ACMSD: variants seen among roughly 807,000 people sequenced by gnomAD.
ACMSD encodes 2-amino-3-carboxymuconate-6-semialdehyde decarboxylase.
In ACMSD, 37 loss-of-function variants were observed where a neutral mutation model predicts 45.9. The observed-to-expected ratio is 0.81, with a 90% CI of 0.62 to 1.06. The LOEUF (loss-of-function observed/expected upper bound fraction) is 1.06. Ranked by LOEUF, ACMSD falls within the 50% of genes least tolerant of loss-of-function variation. The pLI is 0.00. For missense variants in ACMSD, 434 were observed against 420.9 expected (o/e 1.03, Z -0.27); for synonymous variants, 138 against 148.8 (o/e 0.93, Z 0.53).
chr2:134,839,584 A>C (rs1188080279), intron 1 of ACMSD, among the ~76,000 whole-genome samples: 1 of 152,222 alleles, frequency 6.6e-6, no homozygotes, highest in Non-Finnish European at 1.5e-5. Flanking sequence ...AAAATGAATT[A>C]ACCCAAACTT....
intron 6 of ACMSD, among the ~76,000 whole-genome samples, chr2:134,870,310 C>G (rs1472606048): frequency 6.6e-6 from 1 of 152,124 alleles, no homozygotes; most frequent in Non-Finnish European, 1.5e-5. Context: ...ATCTCAGCTA[C>G]CAGAGGCAGC....
chr2:134,855,715 C>T (rs1687549902), intron 2 of ACMSD, among the ~76,000 whole-genome samples: 1 of 152,212 alleles, frequency 6.6e-6, no homozygotes. Flanking sequence ...TGTTCCCCAT[C>T]CCTGAGAAAT....
chr2:134,883,055 G>A (rs1393234975), intron 8 of ACMSD, among the ~76,000 whole-genome samples: 1 of 152,224 alleles, frequency 6.6e-6, no homozygotes, highest in Non-Finnish European at 1.5e-5. Context: ...GCCAGCACCT[G>A]TCCAGAAGGT....
At position 134,901,974 on chromosome 2, in the gene ACMSD, G is replaced by A. The variant is rs1404889804; in HGVS notation, c.*114G>A. The stretch of plus-strand genomic sequence containing the variant: ...TGAACTATTTTACTCAGAAATGAAT[G>A]TCCCAAATATCCTAAATTATTCATA... On this transcript the variant is annotated 3_prime_UTR_variant, in exon 10 of 10. Transcript: ENST00000356140. 5.0e-6 allele frequency: 3 copies of A among 595,434 alleles called. No individual in the cohort carries two copies. The highest frequency in any genetic ancestry group is 8.4e-6 in the Non-Finnish European group (3 of 357,998). 36.9% of individuals were successfully genotyped at this position (595,434 alleles called of 1,614,324 possible).
At chr2:134,887,610 C>T (rs2104938317) in intron 8 of ACMSD, among the ~76,000 whole-genome samples, 1 of 152,260 alleles carries the variant, frequency 6.6e-6, no homozygotes, top group Admixed American at 6.5e-5. Flanking sequence ...CACCATGTTG[C>T]CCAGGCTGGT....
At chr2:134,863,315 T>C (rs1244785046) in intron 4 of ACMSD, 80 bp from the exon 5 acceptor site, 22 of 1,311,666 alleles carry the variant, frequency 1.7e-5, no homozygotes, top group South Asian at 3.7e-5. Flanking sequence ...ATTATAGCCA[T>C]GAGGAGGCAC....
intron 8 of ACMSD, among the ~76,000 whole-genome samples, chr2:134,884,051 C>G (rs1284579360): frequency 6.6e-6 from 1 of 152,070 alleles, no homozygotes; most frequent in Non-Finnish European, 1.5e-5. Flanking sequence ...AAAGATTTAC[C>G]AGAAGTTTCA....
At chr2:134,884,538 A>C (rs1689216847) in intron 8 of ACMSD, among the ~76,000 whole-genome samples, 1 of 152,204 alleles carries the variant, frequency 6.6e-6, no homozygotes, top group Admixed American at 6.5e-5. Context: ...GTGTTTTGGA[A>C]TTGTAAACAG....
intron 1 of ACMSD, among the ~76,000 whole-genome samples, chr2:134,840,180 A>AAAAAAAC (rs1686725649): frequency 1.4e-5 from 2 of 140,146 alleles, no homozygotes; most frequent in South Asian, 2.7e-4. Flanking sequence ...AAAAAAAAAA[A>AAAAAAAC]AAAAAAAAAA....
intron 8 of ACMSD, among the ~76,000 whole-genome samples, chr2:134,880,494 T>C (rs1308024825): frequency 6.6e-6 from 1 of 152,242 alleles, no homozygotes; most frequent in Non-Finnish European, 1.5e-5. Flanking sequence ...CTTTGAACTT[T>C]CGTTTTACTT....
chr2:134,890,984 T>C (rs1689751188), intron 8 of ACMSD, among the ~76,000 whole-genome samples: 1 of 152,088 alleles, frequency 6.6e-6, no homozygotes, highest in Non-Finnish European at 1.5e-5. Flanking sequence ...GTTATTTGTG[T>C]GGTGTTTTTT....
intron 8 of ACMSD, among the ~76,000 whole-genome samples, chr2:134,885,351 TATATATTTAC>T (rs1559065080): frequency 9.2e-6 from 1 of 108,552 alleles, no homozygotes; most frequent in African/African-American, 3.8e-5. Context: ...TTATATATAA[TATATATTTAC>T]ATATATATTA....
intron 5 of ACMSD, among the ~76,000 whole-genome samples, chr2:134,866,907 G>C (rs1368708035): frequency 6.6e-6 from 1 of 152,164 alleles, no homozygotes; most frequent in Non-Finnish European, 1.5e-5. Context: ...TTCCATTTCT[G>C]AGGTCATCTC....
rs768697043 is a variant in ACMSD, at chr2:134,863,618, T to G, written c.473T>G (p.Phe158Cys). 6.2e-7 allele frequency: 1 copy of G among 1,614,144 alleles called. No individual in the cohort carries two copies. Among genetic ancestry groups the G allele is most frequent in the South Asian group, 1.1e-5 (1 of 91,084 alleles). Residue 158 changes from phenylalanine (F) to cysteine (C), a missense_variant, in exon 5 of 10, where the codon TTT becomes TGT. By Grantham distance (205) the Phe-to-Cys change is radical. Transcript: ENST00000356140. ...TGGGACCTGAACGCGCAGGAGCTCT[T>G]TCCTGTCTATGCGGTGAGTAGCGGG... ...NEWDLNAQEL[F>C]PVYAAAERLK...
chr2:134,856,660 CT>C (rs1448539747), intron 2 of ACMSD, among the ~76,000 whole-genome samples: 4 of 144,800 alleles, frequency 2.8e-5, no homozygotes, highest in Admixed American at 6.8e-5. Flanking sequence ...TCCTTTGCCC[CT>C]TTTTTCACCC....
intron 1 of ACMSD, among the ~76,000 whole-genome samples, chr2:134,841,006 T>C (rs1425483469): frequency 2.0e-5 from 3 of 152,188 alleles, no homozygotes; most frequent in African/African-American, 4.8e-5. Context: ...AGTGAGAACA[T>C]ATGATGTTTG....
Position 134,898,330 on chromosome 2 carries a change from T to C in ACMSD, c.850-11T>C. ...ACAAAACAACAGAGAAATATATATT[T>C]TGTTTTTTAGGATAAAGTCATTTTG... On this transcript the variant is annotated splice_polypyrimidine_tract_variant and intron_variant, in intron 8 of 9. Coordinates refer to ENST00000356140, the MANE Select transcript of ACMSD (RefSeq NM_138326.3). 6.4e-7 allele frequency: 1 copy of C among 1,553,054 alleles called. No individual in the cohort carries two copies. Among genetic ancestry groups the C allele is most frequent in the Non-Finnish European group, 8.7e-7 (1 of 1,149,680 alleles).
At chr2:134,839,185 A>G (rs1208638162) in intron 1 of ACMSD, among the ~76,000 whole-genome samples, 2 of 152,212 alleles carry the variant, frequency 1.3e-5, no homozygotes, top group Non-Finnish European at 1.5e-5. Context: ...TTTTAGAAGC[A>G]CCAAGAGATA....
chr2:134,887,884 T>G (rs1368963811), intron 8 of ACMSD, among the ~76,000 whole-genome samples: 1 of 152,110 alleles, frequency 6.6e-6, no homozygotes, highest in African/African-American at 2.4e-5. Context: ...AGCAAGATTA[T>G]ACAACTAAAC....
Sources: gnomAD v4.1 joint callset for allele counts (sites outside exome capture counted in the v4.1 genomes callset) on GRCh38, gnomAD v4.1.1 for gene constraint, MANE v1.5 for transcripts, NCBI Gene and HGNC (gene_info 2026-07-23, HGNC 2026-07-21) for gene names.